The following TTC27 variants were observed in gnomAD, a reference collection of about 807,000 sequenced individuals.
TTC27 encodes tetratricopeptide repeat protein 27.
A neutral mutation model predicts 115.9 loss-of-function variants in TTC27; 79 were observed. The ratio of observed to expected loss-of-function variants is 0.68; its 90% confidence interval spans 0.57 to 0.82. The LOEUF is 0.82. TTC27 is among the 40% of genes least tolerant of loss of function. The pLI is 0.00. For missense variants in TTC27, 1,054 were observed against 993.1 expected (o/e 1.06, Z -0.82); for synonymous variants, 401 against 356.0 (o/e 1.13, Z -1.42).
chr2:32,778,729 T>C (rs146223137), intron 14 of TTC27, among the ~76,000 whole-genome samples: 4 of 152,376 alleles, frequency 2.6e-5, no homozygotes, highest in African/African-American at 9.6e-5. Context: ...ACATGTTATT[T>C]ATCCATTCAT....
At chr2:32,811,987 A>G (rs1394281442) in intron 17 of TTC27, among the ~76,000 whole-genome samples, 3 of 152,144 alleles carry the variant, frequency 2.0e-5, no homozygotes, top group Non-Finnish European at 2.9e-5. Flanking sequence ...ACCTGCACAC[A>G]TGCACACCCT....
chr2:32,815,122 G>T (rs113365991), intron 18 of TTC27, among the ~76,000 whole-genome samples: 46 of 151,796 alleles, frequency 3.0e-4, no homozygotes, highest in African/African-American at 1.1e-3. Context: ...CTGGGAAAGG[G>T]TGGGCTAAAG....
chr2:32,684,163 GAAAA>G (rs562783948), intron 9 of TTC27, among the ~76,000 whole-genome samples: 1 of 151,992 alleles, frequency 6.6e-6, no homozygotes, highest in Admixed American at 6.6e-5. Context: ...GACTCGGGGG[GAAAA>G]AAGTTTGTTT....
intron 12 of TTC27, among the ~76,000 whole-genome samples, chr2:32,748,016 T>C (rs954830618): frequency 2.6e-5 from 4 of 152,156 alleles, no homozygotes; most frequent in Admixed American, 2.6e-4. Flanking sequence ...TATAGTTTGC[T>C]GTTCTTTTTC....
intron 3 of TTC27, among the ~76,000 whole-genome samples, chr2:32,636,477 G>C (rs1418138058): frequency 6.6e-6 from 1 of 152,180 alleles, no homozygotes; most frequent in African/African-American, 2.4e-5. Flanking sequence ...GCCTCCCAAA[G>C]TGTTAGGATT....
chr2:32,734,707 T>C (rs1668396376), intron 11 of TTC27, among the ~76,000 whole-genome samples: 1 of 152,124 alleles, frequency 6.6e-6, no homozygotes, highest in South Asian at 2.1e-4. Context: ...TGAGGCTCGG[T>C]GCAATTAGTT....
intron 7 of TTC27, among the ~76,000 whole-genome samples, chr2:32,667,871 T>G (rs1665847556): frequency 6.7e-6 from 1 of 150,102 alleles, no homozygotes; most frequent in African/African-American, 2.4e-5. Flanking sequence ...CTGACCAAAA[T>G]GGTGAAACCC....
At chr2:32,696,436 C>T (rs1181009389) in intron 9 of TTC27, among the ~76,000 whole-genome samples, 1 of 151,780 alleles carries the variant, frequency 6.6e-6, no homozygotes, top group Non-Finnish European at 1.5e-5. Context: ...ATTCCAGGTG[C>T]CCACCATCAC....
Position 32,708,304 on chromosome 2 carries a change from G to GTTTTTTTTTTTTTTTTTTTTTTTTTTT in TTC27, c.1233+5406_1233+5407insTTTTTTTTTTTTTTTTTTTTTTTTTTT, listed in dbSNP as rs1158508588. ...AATAGCGTTTTCTTTTCTCTACCTT[G>GTTTTTTTTTTTTTTTTTTTTTTTTTTT]TTTTTTTTTTTTTTTTTTTTTTAAT... On this transcript the variant is annotated intron_variant, in intron 10 of 19. Coordinates refer to ENST00000317907, the MANE Select transcript of TTC27 (RefSeq NM_017735.5). 2.0e-4 allele frequency among the ~76,000 whole-genome samples: 12 copies of GTTTTTTTTTTTTTTTTTTTTTTTTTTT among 61,354 alleles called. 3 individuals carry two copies. The highest frequency in any genetic ancestry group is 7.6e-4 in the Admixed American group (4 of 5,230). The allele number at this position is 61,354 out of a possible 152,430, so 40.3% of individuals were successfully genotyped here.
chr2:32,780,171 T>C (rs6729463), intron 14 of TTC27: 40,781 of 424,402 alleles, frequency 0.096, 2,461 homozygotes, highest in Middle Eastern at 0.19. Context: ...CAGCATTCCT[T>C]GAATTTTCCT....
chr2:32,708,351 G>GC lies in TTC27; in HGVS notation c.1233+5434dup, dbSNP rs567377669. Among the ~76,000 whole-genome samples, 24 of 94,646 alleles carry GC rather than the reference G, an allele frequency of 2.5e-4. 1 individual carries two copies. In the South Asian group the frequency reaches 8.1e-3, roughly 32 times the overall value. 62.1% of individuals were successfully genotyped at this position (94,646 alleles called of 152,430 possible). ...TAATGAGATGGAGTCTCATTCTGTT[G>GC]CCCAGGCTGGAGTACAGTGGCACAA... On this transcript the variant is annotated intron_variant, in intron 10 of 19. Transcript: ENST00000317907.
rs200361264 is a variant in TTC27, at chr2:32,817,486, A to T, written c.2338A>T (p.Ser780Cys). The T allele has an allele frequency of 6.2e-7, 1 of 1,613,994 alleles. No homozygotes were observed. The highest frequency in any genetic ancestry group is 1.3e-5 in the African/African-American group (1 of 74,936). The part of the protein sequence containing the change: ...VAIKCSKNKS[S>C]SQEAVQMLSS... ...CATAAAATGCAGTAAAAACAAATCC[A>T]GTTCCCAAGAAGCTGTACAAATGCT... The change falls in exon 19 of 20, where the codon AGT becomes TGT. Residue 780 changes from serine (S) to cysteine (C), a missense_variant. Physicochemically the swap from Ser to Cys is moderately radical, Grantham distance 112. Coordinates refer to ENST00000317907, the MANE Select transcript of TTC27 (RefSeq NM_017735.5).
At chr2:32,706,498 A>G (rs1667372566) in intron 10 of TTC27, among the ~76,000 whole-genome samples, 1 of 152,172 alleles carries the variant, frequency 6.6e-6, no homozygotes, top group Non-Finnish European at 1.5e-5. Context: ...TATGATAAAA[A>G]CAGAAGTGGG....
At chr2:32,681,692 G>GTTTCCC (rs1666430829) in intron 9 of TTC27, among the ~76,000 whole-genome samples, 1 of 140,764 alleles carries the variant, frequency 7.1e-6, no homozygotes, top group Admixed American at 7.3e-5. Flanking sequence ...GTTAGATGAT[G>GTTTCCC]TTTCCCAACT....
intron 5 of TTC27, among the ~76,000 whole-genome samples, chr2:32,656,178 T>A (rs1488262369): frequency 6.6e-6 from 1 of 152,148 alleles, no homozygotes; most frequent in Non-Finnish European, 1.5e-5. Flanking sequence ...GATATTTAAT[T>A]TAATAAACTC....
At chr2:32,682,134 T>A (rs1666453614) in intron 9 of TTC27, among the ~76,000 whole-genome samples, 1 of 151,882 alleles carries the variant, frequency 6.6e-6, no homozygotes, top group Non-Finnish European at 1.5e-5. Flanking sequence ...TTACTCATAG[T>A]TGTTGTGAAT....
chr2:32,725,186 A>T lies in TTC27; in HGVS notation c.1234-8642A>T, dbSNP rs1005329818. 6.6e-5 allele frequency among the ~76,000 whole-genome samples: 10 copies of T among 152,124 alleles called. No individual in the cohort carries two copies. The East Asian group carries it at 1.9e-3, about 29-fold the overall frequency. On this transcript the variant is annotated intron_variant, in intron 10 of 19. Transcript: ENST00000317907. ...TATTATTTCACCTCTGGCCCCTTCA[A>T]ATCTCATGTCCTCACATTTCAAAAT...
intron 8 of TTC27, among the ~76,000 whole-genome samples, chr2:32,676,443 A>C (rs1666207906): frequency 6.6e-6 from 1 of 151,706 alleles, no homozygotes; most frequent in East Asian, 1.9e-4. Flanking sequence ...CAGTATTGAA[A>C]ATTATAGGGA....
intron 6 of TTC27, among the ~76,000 whole-genome samples, chr2:32,665,106 C>T (rs989367979): frequency 8.5e-5 from 13 of 152,060 alleles, no homozygotes; most frequent in African/African-American, 1.7e-4. Context: ...CTTGGCCTCC[C>T]GAAGTGCTGG....
Sources: allele counts gnomAD v4.1 joint callset (sites outside exome capture counted in the v4.1 genomes callset), GRCh38; gene constraint gnomAD v4.1.1; transcripts MANE v1.5; gene names NCBI Gene and HGNC (gene_info 2026-07-23, HGNC 2026-07-21).